The following BFSP1 variants were observed in gnomAD, a reference collection of about 807,000 sequenced individuals.
BFSP1 encodes the protein beaded filament structural protein 1.
Under a neutral mutation model 43.9 loss-of-function variants are expected in BFSP1, and 38 were observed. The observed-to-expected ratio is 0.87, with a 90% CI of 0.67 to 1.14. The LOEUF (loss-of-function observed/expected upper bound fraction) is 1.14. BFSP1 is among the 50% of genes most tolerant of loss of function. BFSP1 has a pLI of 0.00. For missense variants in BFSP1, 850 were observed against 875.1 expected (o/e 0.97, Z 0.36); for synonymous variants, 352 against 354.8 (o/e 0.99, Z 0.09).
At chr20:17,523,119 G>A (rs948904822) in intron 2 of BFSP1, among the ~76,000 whole-genome samples, 4 of 152,140 alleles carry the variant, frequency 2.6e-5, no homozygotes, top group Admixed American at 6.5e-5. Context: ...TGTATTATGC[G>A]ATGCCTTTTC....
Position 17,548,196 on chromosome 20 carries a change from A to AAAG in BFSP1, c.2+10491_2+10492insCTT, listed in dbSNP as rs1555805363. Among the ~76,000 whole-genome samples, 109 of 150,316 alleles carry AAAG rather than the reference A, an allele frequency of 7.3e-4. 1 individual carries two copies. The highest frequency in any genetic ancestry group is 2.4e-3 in the African/African-American group (100 of 40,988). On this transcript the variant is annotated intron_variant, in intron 1 of 7. Transcript: ENST00000377868. ...AAAATAATGCAAAAAAAAAAAAAAA[A>AAAG]AAAGAAAAACCCTCAAAAACGACAG...
chr20:17,497,534 GTA>G (rs1297120693), intron 6 of BFSP1, among the ~76,000 whole-genome samples: 39 of 137,400 alleles, frequency 2.8e-4, no homozygotes, highest in African/African-American at 8.4e-4. Context: ...ACACACGTAT[GTA>G]TATATGTGTG....
At chr20:17,495,775 G>A (rs1448050434) in intron 7 of BFSP1, among the ~76,000 whole-genome samples, 4 of 152,166 alleles carry the variant, frequency 2.6e-5, no homozygotes, top group Non-Finnish European at 2.9e-5. Flanking sequence ...GAGGCTTCCC[G>A]GCTCCACCCA....
intron 1 of BFSP1, among the ~76,000 whole-genome samples, chr20:17,542,107 T>A (rs2034727614): frequency 6.6e-6 from 1 of 152,168 alleles, no homozygotes; most frequent in Admixed American, 6.5e-5. Context: ...TTTGGGGCAC[T>A]TGCTGGCTGA....
At chr20:17,559,313 A>T (rs184347885), upstream of BFSP1, among the ~76,000 whole-genome samples, 31 of 152,346 alleles carry the variant, frequency 2.0e-4, no homozygotes, top group African/African-American at 7.5e-4. Flanking sequence ...TAGAGTTTAT[A>T]AATCAAAATT....
chr20:17,561,588 T>A (rs2035067690), upstream of BFSP1, among the ~76,000 whole-genome samples: 1 of 152,160 alleles, frequency 6.6e-6, no homozygotes, highest in Admixed American at 6.5e-5. Flanking sequence ...AATGAATGAA[T>A]AAAAACAGGC....
At chr20:17,532,277 T>C (rs1464486780), upstream of BFSP1, among the ~76,000 whole-genome samples, 2 of 151,920 alleles carry the variant, frequency 1.3e-5, no homozygotes, top group African/African-American at 4.8e-5. Context: ...TGGTGGCGTG[T>C]GCCAGTAATC....
intron 1 of BFSP1, among the ~76,000 whole-genome samples, chr20:17,528,077 G>C (rs2034459664): frequency 6.6e-6 from 1 of 152,116 alleles, no homozygotes; most frequent in African/African-American, 2.4e-5. Context: ...ATTTTCCCCT[G>C]GCTTTAGGTA....
upstream of BFSP1, among the ~76,000 whole-genome samples, chr20:17,532,504 T>C (rs6034843): frequency 0.27 from 40,993 of 151,634 alleles, 6,911 homozygotes; most frequent in African/African-American, 0.47. Flanking sequence ...AAAAATGAGA[T>C]GGGGTCTTGC....
intron 4 of BFSP1, among the ~76,000 whole-genome samples, chr20:17,509,557 C>G (rs2034026041): frequency 6.6e-6 from 1 of 152,018 alleles, no homozygotes; most frequent in Admixed American, 6.6e-5. Context: ...AGAGCTTAGA[C>G]CTGGCTGTGC....
chr20:17,520,375 G>A (rs984036961), intron 2 of BFSP1, among the ~76,000 whole-genome samples: 2 of 152,058 alleles, frequency 1.3e-5, no homozygotes, highest in Admixed American at 6.5e-5. Context: ...CTCAAATGGT[G>A]GGGATTAAAA....
intron 1 of BFSP1, among the ~76,000 whole-genome samples, chr20:17,549,261 G>T (rs2034856737): frequency 6.6e-6 from 1 of 152,144 alleles, no homozygotes; most frequent in Non-Finnish European, 1.5e-5. Context: ...GTATTAGTCT[G>T]TACTCGCACT....
At chr20:17,551,072 A>G (rs541476726) in intron 1 of BFSP1, among the ~76,000 whole-genome samples, 1 of 152,110 alleles carries the variant, frequency 6.6e-6, no homozygotes, top group South Asian at 2.1e-4. Flanking sequence ...GTTCATTCCA[A>G]CTCTTCACTC....
intron 1 of BFSP1, among the ~76,000 whole-genome samples, chr20:17,557,403 C>T (rs1314623962): frequency 6.6e-6 from 1 of 152,174 alleles, no homozygotes; most frequent in African/African-American, 2.4e-5. Flanking sequence ...CTCATCTCTC[C>T]CCTACCTCAA....
chr20:17,499,026 T>C lies in BFSP1; in HGVS notation c.750A>G (p.Glu250=), dbSNP rs1176814159. The C allele has an allele frequency of 4.3e-6, 7 of 1,614,164 alleles. No homozygotes were observed. Among genetic ancestry groups the C allele is most frequent in the Non-Finnish European group, 5.9e-6 (7 of 1,180,020 alleles). ...VELQAQTTTL[E]QAIKSAHECY... is the part of the protein sequence containing the mutation. ...ACTCATGGGCACTTTTAATAGCTTG[T>C]TCCAGAGTTGTTGTCTGTGGGCAAG... Residue 250 remains glutamate, a synonymous_variant, in exon 6 of 8, where the codon GAA becomes GAG. Transcript: ENST00000377873.
At chr20:17,533,474 G>A (rs991201557), upstream of BFSP1, among the ~76,000 whole-genome samples, 1 of 150,918 alleles carries the variant, frequency 6.6e-6, no homozygotes, top group Admixed American at 6.6e-5. Context: ...TCCAGCTGTA[G>A]GTCTCCTTTC....
At chr20:17,562,907 C>G (rs1245394731), upstream of BFSP1, 3 of 152,234 alleles carry the variant, frequency 2.0e-5, no homozygotes, top group Non-Finnish European at 4.4e-5. Context: ...GTATTTTCTA[C>G]AGCTTCTATT....
intron 5 of BFSP1, among the ~76,000 whole-genome samples, chr20:17,500,896 C>T (rs780925143): frequency 6.6e-6 from 1 of 152,140 alleles, no homozygotes; most frequent in Non-Finnish European, 1.5e-5. Context: ...TCCTCAAAAA[C>T]AAAACAAAAC....
chr20:17,531,221 C>T lies in BFSP1; in HGVS notation c.109G>A (p.Gly37Arg). The T allele has an allele frequency of 7.4e-7, 1 of 1,352,954 alleles. No individual in the cohort carries two copies. The highest frequency in any genetic ancestry group is 9.5e-7 in the Non-Finnish European group (1 of 1,052,238). 83.8% of individuals were successfully genotyped at this position (1,352,954 alleles called of 1,614,324 possible). ...TGCAGCGCCGCCAGGCTCGTTGCCC[C>T]AGCCCAGCCCTCGTCGGCCGGGCGC... ...PERPADEGWAGATSLAALQGL... is the reference protein window; with the variant it reads ...PERPADEGWARATSLAALQGL... The change falls in exon 1 of 8, where the codon GGG becomes AGG. Residue 37 changes from glycine (G) to arginine (R), a missense_variant. Gly to Arg is a moderately radical substitution (Grantham distance 125, BLOSUM62 -2). Coordinates refer to ENST00000377873, the MANE Select transcript of BFSP1 (RefSeq NM_001195.5).
Sources: gnomAD v4.1 joint callset for allele counts (sites outside exome capture counted in the v4.1 genomes callset) on GRCh38, gnomAD v4.1.1 for gene constraint, MANE v1.5 for transcripts, NCBI Gene and HGNC (gene_info 2026-07-23, HGNC 2026-07-21) for gene names.